The following CHST15 variants were observed in gnomAD, a reference collection of about 807,000 sequenced individuals.
CHST15 encodes B cell RAG associated protein (GALNAC4S-6ST).
Under a neutral mutation model 53.6 loss-of-function variants are expected in CHST15, and 30 were observed. The ratio of observed to expected loss-of-function variants is 0.56; its 90% CI spans 0.42 to 0.76. CHST15 has a LOEUF of 0.76. Ranked by LOEUF, CHST15 falls within the 30% of genes least tolerant of loss-of-function variation. The pLI is 0.00. For missense variants in CHST15, 627 were observed against 740.5 expected, an observed-to-expected ratio of 0.85 and a Z score of 1.78; for synonymous variants, 296 against 289.8, an observed-to-expected ratio of 1.02 and a Z score of -0.22.
At chr10:124,028,922 C>G (rs1356923991) in intron 5 of CHST15, among the ~76,000 whole-genome samples, 1 of 151,504 alleles carries the variant, frequency 6.6e-6, no homozygotes, top group Non-Finnish European at 1.5e-5. Flanking sequence ...CCCCAGCTGG[C>G]TCCTCAATGA....
chr10:124,061,751 GTTC>G (rs1948581733), intron 1 of CHST15, among the ~76,000 whole-genome samples: 1 of 152,230 alleles, frequency 6.6e-6, no homozygotes, highest in Non-Finnish European at 1.5e-5. Context: ...CAGGACGTGA[GTTC>G]ACGTCCAGTA....
chr10:124,014,456 C>T (rs1946520145), intron 6 of CHST15, among the ~76,000 whole-genome samples: 2 of 152,280 alleles, frequency 1.3e-5, no homozygotes, highest in South Asian at 4.1e-4. Context: ...TGTTTCCAAC[C>T]CACACTGTTG....
Position 124,074,158 on chromosome 10 carries a change from A to G in CHST15, c.-513+19311T>C, listed in dbSNP as rs1949006954. On this transcript the variant is annotated intron_variant, in intron 1 of 7. Transcript: ENST00000435907. The surrounding 1 kb of genome is among the most constrained non-coding windows in gnomAD (Gnocchi z 4.4). ...AGTCACGCCTGCTGCACCCCCAGGG[A>G]AGGTAGCTTGCTCTCCCTCCCAAGA... is the stretch of plus-strand genomic sequence containing the variant. Among the ~76,000 whole-genome samples, 1 of 152,184 alleles carries G rather than the reference A, an allele frequency of 6.6e-6. No individual in the cohort carries two copies. The highest frequency in any genetic ancestry group is 6.5e-5 in the Admixed American group (1 of 15,286).
rs936592522 is a variant in CHST15, at chr10:124,009,465, T to G, written c.*684A>C. 1 of 988,606 alleles carries G rather than the reference T, an allele frequency of 1.0e-6. No individual in the cohort carries two copies. The highest frequency in any genetic ancestry group is 1.2e-6 in the Non-Finnish European group (1 of 831,914). The allele number at this position is 988,606 out of a possible 1,614,324, so 61.2% of individuals were successfully genotyped here. On this transcript the variant is annotated 3_prime_UTR_variant, in exon 8 of 8. Transcript: ENST00000435907. ...AGGTGCTGCCAAAAACTGACTTATT[T>G]TTTTCCTTTTGGAAACAGTGACGTT...
chr10:124,081,514 T>G (rs78160955), intron 1 of CHST15, among the ~76,000 whole-genome samples: 369 of 152,354 alleles, frequency 2.4e-3, no homozygotes, highest in African/African-American at 8.6e-3. Flanking sequence ...GCGGCACCCC[T>G]GATTTATAGC....
intron 4 of CHST15, among the ~76,000 whole-genome samples, chr10:124,039,037 A>G (rs1947636351): frequency 6.6e-6 from 1 of 152,228 alleles, no homozygotes; most frequent in Non-Finnish European, 1.5e-5. Flanking sequence ...GCTCTGTGGC[A>G]TTTTAAGGGC....
At chr10:124,086,163 G>A (rs554908678) in intron 1 of CHST15, among the ~76,000 whole-genome samples, 3 of 152,250 alleles carry the variant, frequency 2.0e-5, no homozygotes, top group African/African-American at 4.8e-5. Flanking sequence ...AAGTAGGAAA[G>A]AGATGTTCTT....
intron 1 of CHST15, among the ~76,000 whole-genome samples, chr10:124,086,325 C>T (rs1288399648): frequency 6.6e-6 from 1 of 152,232 alleles, no homozygotes; most frequent in African/African-American, 2.4e-5. Context: ...TTCCTTGCCA[C>T]AGGGCGACTG....
chr10:124,053,874 A>C (rs1051149160), intron 1 of CHST15, among the ~76,000 whole-genome samples: 2 of 152,024 alleles, frequency 1.3e-5, no homozygotes, highest in African/African-American at 4.8e-5. Flanking sequence ...AGTTGTGATC[A>C]CACCACTGCA....
intron 1 of CHST15, among the ~76,000 whole-genome samples, chr10:124,088,086 G>A (rs962900775): frequency 6.6e-6 from 1 of 152,230 alleles, no homozygotes; most frequent in African/African-American, 2.4e-5. Context: ...CTCCGGGGCT[G>A]AAGAATATCA....
At chr10:124,066,969 G>A (rs1948768542) in intron 1 of CHST15, among the ~76,000 whole-genome samples, 2 of 152,232 alleles carry the variant, frequency 1.3e-5, no homozygotes, top group Admixed American at 6.5e-5. Context: ...TGAGCCACCC[G>A]CAAGGCGCTC....
chr10:124,055,096 A>G (rs79377710), intron 1 of CHST15, among the ~76,000 whole-genome samples: 2,221 of 152,200 alleles, frequency 0.015, 57 homozygotes, highest in African/African-American at 0.051. Context: ...TACACATCCC[A>G]TAGATCTCCC....
chr10:124,070,047 T>C (rs901863619), intron 1 of CHST15, among the ~76,000 whole-genome samples: 6 of 152,140 alleles, frequency 3.9e-5, no homozygotes, highest in African/African-American at 7.2e-5. Context: ...CAGGAACAAA[T>C]GATATAGCCT....
In CHST15 at chr10:124,009,416, A is replaced by AT; in HGVS notation, c.*732_*733insA. The AT allele has an allele frequency of 1.0e-6, 1 of 995,040 alleles. No homozygotes were observed. The highest frequency in any genetic ancestry group is 1.7e-5 in the African/African-American group (1 of 57,464). The allele number at this position is 995,040 out of a possible 1,614,324, so 61.6% of individuals were successfully genotyped here. ...GTTAAACATAAGTCCACAAGGACAGAATAGGAGGAGGTCAGAAAGATGAAG... is the reference window on the plus strand; with the variant it reads ...GTTAAACATAAGTCCACAAGGACAGATATAGGAGGAGGTCAGAAAGATGAAG... On this transcript the variant is annotated 3_prime_UTR_variant, in exon 8 of 8. Coordinates refer to ENST00000435907, the MANE Select transcript of CHST15 (RefSeq NM_001270764.2).
chr10:124,032,810 A>AG (rs931932318), intron 5 of CHST15, among the ~76,000 whole-genome samples: 3 of 77,224 alleles, frequency 3.9e-5, no homozygotes, highest in Admixed American at 1.3e-4. Context: ...GTTCTCCTCC[A>AG]GAAAAAAAAA....
intron 1 of CHST15, among the ~76,000 whole-genome samples, chr10:124,062,651 T>C (rs1948618159): frequency 1.3e-5 from 2 of 152,080 alleles, no homozygotes; most frequent in African/African-American, 4.8e-5. Flanking sequence ...CTTTCCTCCC[T>C]CCCGTTTCTG....
chr10:124,020,364 G>C (rs938158215), intron 6 of CHST15: 3 of 985,472 alleles, frequency 3.0e-6, no homozygotes, highest in East Asian at 1.1e-4. Flanking sequence ...ACCAGAGCAG[G>C]CTCTGGGGTT....
At chr10:124,080,203 C>A in intron 1 of CHST15, among the ~76,000 whole-genome samples, 1 of 152,196 alleles carries the variant, frequency 6.6e-6, no homozygotes, top group Non-Finnish European at 1.5e-5. Flanking sequence ...GCAGAGGATG[C>A]AGAAGAGAAG....
chr10:124,070,476 T>C (rs1379848425), intron 1 of CHST15, among the ~76,000 whole-genome samples: 1 of 152,212 alleles, frequency 6.6e-6, no homozygotes, highest in Non-Finnish European at 1.5e-5. Context: ...CCTCCCAGGT[T>C]CAAGAGATTC....
Sources: gnomAD v4.1 joint callset for allele counts (sites outside exome capture counted in the v4.1 genomes callset) on GRCh38, gnomAD v4.1.1 for gene constraint, Gnocchi (gnomAD v3.1) non-coding constraint, MANE v1.5 for transcripts, NCBI Gene and HGNC (gene_info 2026-07-23, HGNC 2026-07-21) for gene names.